GRB2: variants seen among roughly 807,000 people sequenced by gnomAD.
GRB2 encodes growth factor receptor-bound protein 2.
GRB2 carries 2 observed loss-of-function variants against 27.4 expected under a neutral mutation model. That is an observed-to-expected ratio of 0.07 (90% confidence interval 0.03 to 0.23). GRB2 has a LOEUF of 0.23. Ranked by LOEUF, GRB2 falls within the 10% of genes least tolerant of loss-of-function variation. The pLI is 1.00. For missense variants in GRB2, 102 were observed against 282.4 expected, an observed-to-expected ratio of 0.36 and a Z score of 4.58; for synonymous variants, 94 against 99.6, an observed-to-expected ratio of 0.94 and a Z score of 0.33.
At chr17:75,395,342 G>A (rs1044820057) in intron 1 of GRB2, among the ~76,000 whole-genome samples, 3 of 152,108 alleles carry the variant, frequency 2.0e-5, no homozygotes, top group Admixed American at 1.3e-4. Context: ...TCCATGTGGC[G>A]CTGGCTGTAA....
At chr17:75,349,795 G>A (rs1037385556) in intron 2 of GRB2, among the ~76,000 whole-genome samples, 5 of 151,972 alleles carry the variant, frequency 3.3e-5, no homozygotes, top group Non-Finnish European at 5.9e-5. Context: ...TTGTAATCCT[G>A]GGATTACAGG....
chr17:75,398,098 C>T (rs938034550), intron 1 of GRB2, among the ~76,000 whole-genome samples: 1 of 151,874 alleles, frequency 6.6e-6, no homozygotes, highest in Admixed American at 6.6e-5. Context: ...GCTGGGATTA[C>T]AGGCATGAGC....
At position 75,336,589 on chromosome 17, in the gene GRB2, C is replaced by A. The variant is rs368095100; in HGVS notation, c.79-3792G>T. Among the ~76,000 whole-genome samples the A allele has an allele frequency of 2.0e-5, 3 of 152,248 alleles. No homozygotes were observed. In the East Asian group the frequency reaches 5.8e-4, roughly 29 times the overall value. ...ATCCCTCTAAAAAGTGTCCCCTCCC[C>A]CAACAAACACAACTCCAGGGCAACT... On this transcript the variant is annotated intron_variant, in intron 2 of 5. Coordinates refer to ENST00000316804, the MANE Select transcript of GRB2 (RefSeq NM_002086.5).
chr17:75,322,900 A>G (rs188205002), intron 4 of GRB2, among the ~76,000 whole-genome samples: 61 of 152,252 alleles, frequency 4.0e-4, no homozygotes, highest in Admixed American at 1.2e-3. Context: ...TGGGCGGATC[A>G]TAAGGTCAGG....
At chr17:75,368,547 T>G (rs2385265) in intron 2 of GRB2, among the ~76,000 whole-genome samples, 96,253 of 150,382 alleles carry the variant, frequency 0.64, 36,791 homozygotes, top group East Asian at 0.91. Flanking sequence ...TGTTGTTTTT[T>G]TTTTTAAAGA....
intron 2 of GRB2, among the ~76,000 whole-genome samples, chr17:75,367,776 T>A (rs909373981): frequency 6.6e-6 from 1 of 152,222 alleles, no homozygotes; most frequent in Non-Finnish European, 1.5e-5. Flanking sequence ...GACACCAATA[T>A]TTCCTCGGCC....
At chr17:75,393,083 T>C (rs61764599) in intron 2 of GRB2, among the ~76,000 whole-genome samples, 2,108 of 152,258 alleles carry the variant, frequency 0.014, 45 homozygotes, top group African/African-American at 0.047. Context: ...TCTAACAACC[T>C]CTCTAAACTG....
chr17:75,374,487 T>C (rs1199104205), intron 2 of GRB2, among the ~76,000 whole-genome samples: 1 of 151,926 alleles, frequency 6.6e-6, no homozygotes, highest in East Asian at 1.9e-4. Flanking sequence ...CCCAGCATTT[T>C]GGGAGGCCAA....
chr17:75,385,801 C>T (rs1257950474), intron 2 of GRB2, among the ~76,000 whole-genome samples: 1 of 152,158 alleles, frequency 6.6e-6, no homozygotes, highest in Non-Finnish European at 1.5e-5. Context: ...AAAACAGGAT[C>T]CATTTAAACG....
rs2079013267 is a variant in GRB2, at chr17:75,393,777, G to A, written c.-137-12C>T. 2 of 644,600 alleles carry A rather than the reference G, an allele frequency of 3.1e-6. 1 individual carries two copies. Among genetic ancestry groups the A allele is most frequent in the South Asian group, 3.6e-5 (2 of 55,846 alleles). 39.9% of individuals were successfully genotyped at this position (644,600 alleles called of 1,614,324 possible). A position where few individuals can be genotyped will look rare whatever the true frequency, so the allele number is the denominator to read the frequency against. On this transcript the variant is annotated splice_polypyrimidine_tract_variant and intron_variant, in intron 1 of 5. Coordinates refer to ENST00000316804, the MANE Select transcript of GRB2 (RefSeq NM_002086.5). Reference sequence around the variant, plus strand: ...CACACAATGCCACCCTGAAGCAGGAGAGGGACGATTAAGAGCAGTGGCCAG... The same window carrying A: ...CACACAATGCCACCCTGAAGCAGGAAAGGGACGATTAAGAGCAGTGGCCAG...
At chr17:75,342,215 T>C (rs888725135) in intron 2 of GRB2, among the ~76,000 whole-genome samples, 6 of 152,170 alleles carry the variant, frequency 3.9e-5, no homozygotes, top group Non-Finnish European at 7.3e-5. Context: ...ACTTGGACCA[T>C]GTGCTGCTAT....
At chr17:75,347,472 C>T (rs528528014) in intron 2 of GRB2, among the ~76,000 whole-genome samples, 1 of 152,276 alleles carries the variant, frequency 6.6e-6, no homozygotes, top group South Asian at 2.1e-4. Flanking sequence ...AACCATTCAG[C>T]ATGCATGCCC....
chr17:75,365,289 T>C (rs1288716942), intron 2 of GRB2, among the ~76,000 whole-genome samples: 2 of 152,058 alleles, frequency 1.3e-5, no homozygotes, highest in Non-Finnish European at 2.9e-5. Context: ...CGGTTAACTT[T>C]CTCAAAACAA....
chr17:75,342,261 G>T (rs1349228868), intron 2 of GRB2, among the ~76,000 whole-genome samples: 2 of 152,160 alleles, frequency 1.3e-5, no homozygotes, highest in Admixed American at 1.3e-4. Flanking sequence ...CGCAAGCAAT[G>T]AAGCTGGCTC....
intron 2 of GRB2, among the ~76,000 whole-genome samples, chr17:75,392,416 C>A (rs1300826080): frequency 1.3e-5 from 2 of 152,146 alleles, no homozygotes; most frequent in Non-Finnish European, 2.9e-5. Flanking sequence ...AATTACTGGG[C>A]AGTTAACTTC....
chr17:75,360,741 T>G (rs2078774745), intron 2 of GRB2, among the ~76,000 whole-genome samples: 1 of 152,208 alleles, frequency 6.6e-6, no homozygotes, highest in African/African-American at 2.4e-5. Context: ...TAAATCCCCT[T>G]ATAAAATAAG....
chr17:75,372,962 T>C (rs2078865668), intron 2 of GRB2: 1 of 152,208 alleles, frequency 6.6e-6, no homozygotes, highest in South Asian at 2.1e-4. Flanking sequence ...GATATTTGGC[T>C]GGGCGCAGTA....
intron 1 of GRB2, among the ~76,000 whole-genome samples, chr17:75,403,127 T>A (rs1377436573): frequency 1.0e-5 from 1 of 99,152 alleles, no homozygotes; most frequent in African/African-American, 2.9e-5. Context: ...TTGGCACAAC[T>A]AGGAAAAAGG....
chr17:75,385,671 G>C (rs2078959348), intron 2 of GRB2, among the ~76,000 whole-genome samples: 1 of 152,122 alleles, frequency 6.6e-6, no homozygotes, highest in Non-Finnish European at 1.5e-5. Context: ...AGTAAAATGG[G>C]GATAACAGCA....
Sources: gnomAD v4.1 joint callset for allele counts (sites outside exome capture counted in the v4.1 genomes callset) on GRCh38, gnomAD v4.1.1 for gene constraint, MANE v1.5 for transcripts, NCBI Gene and HGNC (gene_info 2026-07-23, HGNC 2026-07-21) for gene names.